The following PDE3A variants were observed in gnomAD, a reference collection of about 807,000 sequenced individuals.
PDE3A encodes cGMP-inhibited 3',5'-cyclic phosphodiesterase 3A.
Under a neutral mutation model 98.3 loss-of-function variants are expected in PDE3A, and 43 were observed. That is an observed-to-expected ratio of 0.44 (90% CI 0.34 to 0.56). The LOEUF (loss-of-function observed/expected upper bound fraction) is 0.56. Ranked by LOEUF, PDE3A falls within the 20% of genes least tolerant of loss-of-function variation. PDE3A has a pLI of 0.01. For synonymous variants in PDE3A, 663 were observed against 567.9 expected (o/e 1.17, Z -2.38); for missense variants, 1,427 against 1,440.7 (o/e 0.99, Z 0.15).
chr12:20,630,191 C>T (rs1457188556), intron 6 of PDE3A, 64 bp downstream of exon 6: 13 of 1,190,490 alleles, frequency 1.1e-5, no homozygotes, highest in African/African-American at 1.5e-5. Context: ...CCTAGAAATA[C>T]CTACCACCAG....
chr12:20,588,612 C>A (rs889252405), intron 2 of PDE3A, among the ~76,000 whole-genome samples: 4 of 111,142 alleles, frequency 3.6e-5, no homozygotes, highest in African/African-American at 1.4e-4. Context: ...ATAACCAGTG[C>A]ACAACAGACC....
chr12:20,603,079 A>G, intron 2 of PDE3A, among the ~76,000 whole-genome samples: 1 of 152,322 alleles, frequency 6.6e-6, no homozygotes, highest in South Asian at 2.1e-4. Flanking sequence ...ACGTAGTGCT[A>G]CAGAGATGTA....
At chr12:20,634,807 C>A in intron 7 of PDE3A, 95 bp from the exon 8 acceptor site, 1 of 811,802 alleles carries the variant, frequency 1.2e-6, no homozygotes. Context: ...TCCCTAAACA[C>A]TATATTTACC....
rs562313765 is a variant in PDE3A at position 20,377,371 on chromosome 12, C to T, written c.960+7127C>T. Among the ~76,000 whole-genome samples, 31 of 151,686 alleles carry T rather than the reference C, an allele frequency of 2.0e-4. 1 individual carries two copies. The highest frequency in any genetic ancestry group is 1.2e-3 in the Admixed American group (18 of 15,212). ...CCAGCATAGCATGTCAACATGTAAT[C>T]GGTGTAAAAAAAATGAAATATTTTG... On this transcript the variant is annotated intron_variant, in intron 1 of 15. Coordinates refer to ENST00000359062, the MANE Select transcript of PDE3A (RefSeq NM_000921.5).
intron 1 of PDE3A, among the ~76,000 whole-genome samples, chr12:20,422,163 G>T (rs531215093): frequency 6.6e-6 from 1 of 151,988 alleles, no homozygotes; most frequent in African/African-American, 2.4e-5. Context: ...TGGCTAACAC[G>T]GTGAAACTCC....
At chr12:20,517,926 A>G (rs2121139101) in intron 1 of PDE3A, among the ~76,000 whole-genome samples, 1 of 152,246 alleles carries the variant, frequency 6.6e-6, no homozygotes, top group Non-Finnish European at 1.5e-5. Context: ...CCACTTAGTA[A>G]CACCCGTTTA....
chr12:20,492,471 G>A (rs1170103959), intron 1 of PDE3A, among the ~76,000 whole-genome samples: 1 of 152,084 alleles, frequency 6.6e-6, no homozygotes, highest in Non-Finnish European at 1.5e-5. Context: ...TGAAGACTTT[G>A]AGGAAGTACC....
chr12:20,621,144 G>A (rs1263388811), intron 4 of PDE3A, 152 bp from the exon 5 acceptor site: 1 of 603,342 alleles, frequency 1.7e-6, no homozygotes, highest in Non-Finnish European at 3.0e-6. Flanking sequence ...TCATCATTTG[G>A]AAGTACAGTG....
chr12:20,616,314 A>G lies in PDE3A; in HGVS notation c.1354A>G (p.Thr452Ala). ...TTTTSATGLP[T>A]LEPAPVRRDR... ...CACCACCTCGGCCACAGGTCTACCC[A>G]CCTTGGAGCCTGCACCAGTACGGAG... is the stretch of plus-strand genomic sequence containing the variant. Residue 452 changes from threonine (T) to alanine (A), a missense_variant, in exon 4 of 16, where the codon ACC becomes GCC. Physicochemically the swap from Thr to Ala is moderately conservative, Grantham distance 58. Coordinates refer to ENST00000359062, the MANE Select transcript of PDE3A (RefSeq NM_000921.5). 6.2e-7 allele frequency: 1 copy of G among 1,613,988 alleles called. No individual in the cohort carries two copies. Among genetic ancestry groups the G allele is most frequent in the Non-Finnish European group, 8.5e-7 (1 of 1,179,966 alleles).
At chr12:20,489,177 T>A (rs1945785518) in intron 1 of PDE3A, among the ~76,000 whole-genome samples, 1 of 152,230 alleles carries the variant, frequency 6.6e-6, no homozygotes, top group African/African-American at 2.4e-5. Context: ...TTTCTCTTAG[T>A]CATTTCTTTC....
chr12:20,544,861 T>C (rs1292646489), intron 1 of PDE3A, among the ~76,000 whole-genome samples: 1 of 151,988 alleles, frequency 6.6e-6, no homozygotes, highest in East Asian at 1.9e-4. Flanking sequence ...TGGAAAACTG[T>C]AAATCTCTCT....
chr12:20,604,406 G>A lies in PDE3A; in HGVS notation c.1012-9037G>A, dbSNP rs180965025. 2.6e-5 allele frequency among the ~76,000 whole-genome samples: 4 copies of A among 152,046 alleles called. No homozygotes were observed. In the East Asian group the frequency reaches 5.8e-4, roughly 22 times the overall value. ...AAAAAACTTTCTCTTATATCCCAACGTTTTAAAACTCTGCTTTCCAACTTC... is the reference window on the plus strand; with the variant it reads ...AAAAAACTTTCTCTTATATCCCAACATTTTAAAACTCTGCTTTCCAACTTC... On this transcript the variant is annotated intron_variant, in intron 2 of 15. Transcript: ENST00000359062.
intron 1 of PDE3A, among the ~76,000 whole-genome samples, chr12:20,526,336 A>G (rs890933970): frequency 7.2e-5 from 11 of 152,194 alleles, no homozygotes; most frequent in Non-Finnish European, 1.3e-4. Flanking sequence ...AGCCAGCAAT[A>G]TTTCAATTTC....
At chr12:20,664,159 T>C (rs1169376633) in intron 15 of PDE3A, among the ~76,000 whole-genome samples, 2 of 152,126 alleles carry the variant, frequency 1.3e-5, no homozygotes, top group East Asian at 3.9e-4. Context: ...TCCTGAGGCC[T>C]CCCCAGCCCT....
intron 1 of PDE3A, among the ~76,000 whole-genome samples, chr12:20,380,686 C>T (rs1943648558): frequency 6.6e-6 from 1 of 151,692 alleles, no homozygotes; most frequent in South Asian, 2.1e-4. Context: ...TTTATCTGTA[C>T]ATGTCAAGTG....
rs1364044531 is a variant in PDE3A at position 20,685,095 on chromosome 12, C to T, written c.*4824C>T. On this transcript the variant is annotated 3_prime_UTR_variant, in exon 16 of 16. Transcript: ENST00000359062. ...TCCCACCAGCAAATCATTCTAACAG[C>T]AGGCTAACAATGGTGAAGTAAAATG... Among the ~76,000 whole-genome samples the T allele has an allele frequency of 6.6e-6, 1 of 152,148 alleles. No individual in the cohort carries two copies. The highest frequency in any genetic ancestry group is 1.9e-4 in the East Asian group (1 of 5,178).
chr12:20,577,388 A>G (rs558860163), intron 2 of PDE3A, among the ~76,000 whole-genome samples: 13 of 152,324 alleles, frequency 8.5e-5, no homozygotes, highest in Admixed American at 7.8e-4. Context: ...CCCGGTAGAT[A>G]ATAAAGAACA....
At chr12:20,370,330 G>C (rs562384410) in intron 1 of PDE3A, 86 bp downstream of exon 1, 5 of 1,149,346 alleles carry the variant, frequency 4.4e-6, no homozygotes, top group Non-Finnish European at 3.5e-6. Flanking sequence ...CGAGCGCTGG[G>C]AACTAAAGGG....
At chr12:20,531,855 A>G (rs1941607754) in intron 1 of PDE3A, among the ~76,000 whole-genome samples, 1 of 152,170 alleles carries the variant, frequency 6.6e-6, no homozygotes. Context: ...GATTTATTTT[A>G]TGTTGAAAAT....
Sources: allele counts gnomAD v4.1 joint callset (sites outside exome capture counted in the v4.1 genomes callset), GRCh38; gene constraint gnomAD v4.1.1; transcripts MANE v1.5; gene names NCBI Gene and HGNC (gene_info 2026-07-23, HGNC 2026-07-21).